Variants in TRPM3 observed in about 807,000 individuals in gnomAD.
The protein encoded by TRPM3 is long transient receptor potential channel 3.
In TRPM3, 77 loss-of-function variants were observed where a neutral mutation model predicts 181.2. That is an observed-to-expected ratio of 0.42 (90% confidence interval 0.35 to 0.51). The LOEUF (loss-of-function observed/expected upper bound fraction) is 0.51, where lower values mean the gene tolerates loss of function less well. TRPM3 is among the 20% of genes least tolerant of loss of function. The pLI, the probability that TRPM3 is intolerant of heterozygous loss-of-function variation, is 0.01. For synonymous variants in TRPM3, 745 were observed against 796.4 expected (o/e 0.94, Z 1.09); for missense variants, 1,759 against 2,196.7 (o/e 0.80, Z 3.98).
At chr9:71,418,813 C>T (rs1162463987) in intron 1 of TRPM3, among the ~76,000 whole-genome samples, 2 of 113,156 alleles carry the variant, frequency 1.8e-5, no homozygotes, top group Admixed American at 1.8e-4. Flanking sequence ...TATATATATA[C>T]TATATATATA....
intron 17 of TRPM3, among the ~76,000 whole-genome samples, chr9:70,616,958 A>C (rs1427537922): frequency 6.6e-6 from 1 of 152,144 alleles, no homozygotes; most frequent in Non-Finnish European, 1.5e-5. Flanking sequence ...ATCCTAAAAC[A>C]ATTCTGGGGC....
intron 1 of TRPM3, among the ~76,000 whole-genome samples, chr9:71,012,853 T>C (rs1405843852): frequency 6.6e-6 from 1 of 152,180 alleles, no homozygotes; most frequent in African/African-American, 2.4e-5. Context: ...ATTTTATTTC[T>C]TTCCAGATTT....
At chr9:71,387,878 G>A (rs2092963344) in intron 1 of TRPM3, among the ~76,000 whole-genome samples, 1 of 152,066 alleles carries the variant, frequency 6.6e-6, no homozygotes, top group African/African-American at 2.4e-5. Flanking sequence ...AGATGCATAC[G>A]TATATAACTT....
At chr9:71,214,595 A>G (rs911125224) in intron 1 of TRPM3, among the ~76,000 whole-genome samples, 1 of 152,002 alleles carries the variant, frequency 6.6e-6, no homozygotes, top group African/African-American at 2.4e-5. Flanking sequence ...ATTTTATCAT[A>G]TTCTGTCACT....
intron 1 of TRPM3, among the ~76,000 whole-genome samples, chr9:71,157,036 C>T (rs923329998): frequency 2.6e-5 from 4 of 152,108 alleles, no homozygotes; most frequent in Admixed American, 2.0e-4. Flanking sequence ...GATATAAATG[C>T]TCCACTTCTG....
chr9:71,080,352 C>T (rs984010441), intron 1 of TRPM3, among the ~76,000 whole-genome samples: 3 of 152,040 alleles, frequency 2.0e-5, no homozygotes, highest in African/African-American at 7.2e-5. Context: ...CTTCCGTAAG[C>T]TCCCCAACCC....
chr9:70,668,332 G>A (rs186994046), intron 9 of TRPM3, among the ~76,000 whole-genome samples: 9 of 152,260 alleles, frequency 5.9e-5, no homozygotes, highest in Admixed American at 5.2e-4. Flanking sequence ...GCCCCATTGT[G>A]GTACTTGTGA....
chr9:70,852,689 C>A (rs1367016646), intron 3 of TRPM3, among the ~76,000 whole-genome samples: 1 of 152,162 alleles, frequency 6.6e-6, no homozygotes, highest in Non-Finnish European at 1.5e-5. Context: ...AATTAAAATT[C>A]TTCCATCAGA....
At chr9:70,694,884 C>G (rs888917573) in intron 8 of TRPM3, among the ~76,000 whole-genome samples, 3 of 152,216 alleles carry the variant, frequency 2.0e-5, no homozygotes, top group African/African-American at 7.2e-5. Flanking sequence ...CTATTCTACA[C>G]CACAAATACC....
chr9:71,049,913 G>A (rs1049427062), intron 1 of TRPM3, among the ~76,000 whole-genome samples: 1 of 152,106 alleles, frequency 6.6e-6, no homozygotes, highest in African/African-American at 2.4e-5. Context: ...TTCCAAATCT[G>A]CCATACAACA....
At chr9:71,425,925 C>A (rs2093855040) in intron 1 of TRPM3, among the ~76,000 whole-genome samples, 1 of 152,018 alleles carries the variant, frequency 6.6e-6, no homozygotes, top group Admixed American at 6.6e-5. Context: ...CATGTTGCTC[C>A]CTCTACCTGG....
At chr9:70,840,192 T>C (rs2094552537) in intron 5 of TRPM3, among the ~76,000 whole-genome samples, 1 of 152,170 alleles carries the variant, frequency 6.6e-6, no homozygotes, top group African/African-American at 2.4e-5. Flanking sequence ...CCAAATAATT[T>C]ATAACTTGAA....
At chr9:71,321,790 G>T (rs530402207) in intron 1 of TRPM3, among the ~76,000 whole-genome samples, 3 of 152,026 alleles carry the variant, frequency 2.0e-5, no homozygotes, top group Non-Finnish European at 4.4e-5. Flanking sequence ...AATACTTATT[G>T]AGCAATTAGT....
At chr9:71,327,076 G>T (rs1249688876) in intron 1 of TRPM3, among the ~76,000 whole-genome samples, 1 of 152,192 alleles carries the variant, frequency 6.6e-6, no homozygotes, top group Non-Finnish European at 1.5e-5. Flanking sequence ...TTCCGTAACT[G>T]GACACAGATC....
intron 6 of TRPM3, among the ~76,000 whole-genome samples, chr9:70,802,930 T>C (rs964865687): frequency 6.6e-6 from 1 of 151,508 alleles, no homozygotes; most frequent in African/African-American, 2.4e-5. Flanking sequence ...TTGTTTTTCC[T>C]TCTTCTCATT....
chr9:70,683,424 T>G (rs2065954143), intron 8 of TRPM3, among the ~76,000 whole-genome samples: 2 of 120,760 alleles, frequency 1.7e-5, no homozygotes, highest in African/African-American at 3.1e-5. Context: ...TTTCTCTCTC[T>G]CTCCTTTTTT....
At chr9:71,291,328 G>A (rs577640484) in intron 1 of TRPM3, among the ~76,000 whole-genome samples, 2 of 152,256 alleles carry the variant, frequency 1.3e-5, no homozygotes, top group South Asian at 4.1e-4. Context: ...CCCTTGCAAG[G>A]AAAGTAACCT....
chr9:70,935,817 C>T (rs1302655765), intron 1 of TRPM3, among the ~76,000 whole-genome samples: 1 of 152,120 alleles, frequency 6.6e-6, no homozygotes, highest in Non-Finnish European at 1.5e-5. Context: ...AATCCGTACC[C>T]CAAATCAAAA....
At chr9:70,739,519 A>C (rs2073523523) in intron 8 of TRPM3, among the ~76,000 whole-genome samples, 2 of 152,204 alleles carry the variant, frequency 1.3e-5, no homozygotes, top group South Asian at 4.1e-4. Flanking sequence ...CACAGCCAAC[A>C]TAATACTGAA....
Sources: allele counts gnomAD v4.1 joint callset (sites outside exome capture counted in the v4.1 genomes callset), GRCh38; gene constraint gnomAD v4.1.1; transcripts MANE v1.5; gene names NCBI Gene and HGNC (gene_info 2026-07-23, HGNC 2026-07-21).